The following EYA1 variants were observed in gnomAD, a reference collection of about 807,000 sequenced individuals.
EYA1 encodes protein phosphatase EYA1.
In EYA1, 16 loss-of-function variants were observed where a neutral mutation model predicts 82.0. That is an observed-to-expected ratio of 0.20 (90% CI 0.13 to 0.30). EYA1 has a LOEUF of 0.30. Ranked by LOEUF, EYA1 falls within the 10% of genes least tolerant of loss-of-function variation. EYA1 has a pLI of 1.00. For synonymous variants in EYA1, 261 were observed against 264.4 expected (o/e 0.99, Z 0.12); for missense variants, 633 against 730.7 (o/e 0.87, Z 1.54).
intron 2 of EYA1, among the ~76,000 whole-genome samples, chr8:71,532,695 TA>T (rs1814389449): frequency 6.6e-6 from 1 of 152,166 alleles, no homozygotes; most frequent in Admixed American, 6.5e-5. Flanking sequence ...GGGAGGCAAG[TA>T]TTTCAACCTT....
chr8:71,331,285 C>CACAT (rs554459560), intron 4 of EYA1, among the ~76,000 whole-genome samples: 1,786 of 127,448 alleles, frequency 0.014, 12 homozygotes, highest in Middle Eastern at 0.024. Context: ...CACACACACA[C>CACAT]ATATATATAC....
At chr8:71,494,886 G>T (rs540530215) in intron 2 of EYA1, among the ~76,000 whole-genome samples, 1 of 151,812 alleles carries the variant, frequency 6.6e-6, no homozygotes, top group African/African-American at 2.4e-5. Context: ...AAGCAGAAAC[G>T]GAACTGTAAG....
At chr8:71,396,853 C>T (rs1311033774) in intron 2 of EYA1, among the ~76,000 whole-genome samples, 1 of 152,160 alleles carries the variant, frequency 6.6e-6, no homozygotes, top group Non-Finnish European at 1.5e-5. Flanking sequence ...TGTTGACTTT[C>T]TGTGTCGTTG....
chr8:71,408,074 G>T (rs372567867), intron 2 of EYA1, among the ~76,000 whole-genome samples: 9 of 151,934 alleles, frequency 5.9e-5, no homozygotes, highest in South Asian at 2.1e-4. Context: ...TATTCAACAT[G>T]CTTAAAGAAA....
intron 2 of EYA1, among the ~76,000 whole-genome samples, chr8:71,497,642 T>C (rs528132559): frequency 1.3e-5 from 2 of 151,960 alleles, no homozygotes; most frequent in Admixed American, 6.6e-5. Flanking sequence ...CTACAACCAT[T>C]ATGGAAAACA....
At chr8:71,232,867 A>T (rs1310587991) in intron 12 of EYA1, among the ~76,000 whole-genome samples, 1 of 152,160 alleles carries the variant, frequency 6.6e-6, no homozygotes, top group Non-Finnish European at 1.5e-5. Flanking sequence ...CTCAATGGAC[A>T]ATAACAGCAG....
At chr8:71,437,592 G>T (rs534291004) in intron 2 of EYA1, among the ~76,000 whole-genome samples, 1 of 151,926 alleles carries the variant, frequency 6.6e-6, no homozygotes, top group Non-Finnish European at 1.5e-5. Context: ...GAAATTTAAC[G>T]TTAAGGTAAA....
intron 2 of EYA1, among the ~76,000 whole-genome samples, chr8:71,513,396 T>C (rs1366059897): frequency 2.0e-5 from 3 of 152,198 alleles, no homozygotes; most frequent in African/African-American, 7.2e-5. Flanking sequence ...GTCAATAGTC[T>C]GTTTAAAATT....
At chr8:71,415,257 CTTTG>C (rs764716940) in intron 2 of EYA1, among the ~76,000 whole-genome samples, 2 of 152,322 alleles carry the variant, frequency 1.3e-5, no homozygotes, top group East Asian at 3.9e-4. Context: ...CTCACCAATT[CTTTG>C]TTTGGATATG....
At chr8:71,220,567 C>T (rs1809770235) in intron 12 of EYA1, among the ~76,000 whole-genome samples, 1 of 152,192 alleles carries the variant, frequency 6.6e-6, no homozygotes, top group African/African-American at 2.4e-5. Context: ...TGAGAGGCTG[C>T]TGTGTTCCAG....
At position 71,298,833 on chromosome 8, in the gene EYA1, G is replaced by C. The variant is rs56232555; in HGVS notation, c.826+214C>G. Reference sequence around the variant, plus strand: ...TTTACAAATAAAATCTCTATTTCATGTGCTTTTGATGTTTATATACTTTAT... The same window carrying C: ...TTTACAAATAAAATCTCTATTTCATCTGCTTTTGATGTTTATATACTTTAT... On this transcript the variant is annotated intron_variant, in intron 9 of 17. Coordinates refer to ENST00000340726, the MANE Select transcript of EYA1 (RefSeq NM_000503.6). Among the ~76,000 whole-genome samples, 3,027 of 152,142 alleles carry C rather than the reference G, an allele frequency of 0.02. 54 individuals carry two copies. The highest frequency in any genetic ancestry group is 0.037 in the Middle Eastern group (11 of 294).
intron 2 of EYA1, among the ~76,000 whole-genome samples, chr8:71,457,765 C>T (rs1011255475): frequency 5.3e-5 from 8 of 151,140 alleles, no homozygotes; most frequent in Non-Finnish European, 7.4e-5. Context: ...CTGTAGCATT[C>T]GGAGATATAC....
At chr8:71,272,629 G>C (rs544769355) in intron 9 of EYA1, among the ~76,000 whole-genome samples, 1 of 152,106 alleles carries the variant, frequency 6.6e-6, no homozygotes, top group African/African-American at 2.4e-5. Flanking sequence ...CCCCCAAAAG[G>C]CTCAAAGGAA....
chr8:71,210,211 T>C (rs1808328984), intron 17 of EYA1, among the ~76,000 whole-genome samples: 1 of 152,224 alleles, frequency 6.6e-6, no homozygotes, highest in Non-Finnish European at 1.5e-5. Flanking sequence ...CTACAGCTCC[T>C]TCAGTTAAAA....
chr8:71,422,546 A>G (rs906623088), intron 2 of EYA1, among the ~76,000 whole-genome samples: 9 of 152,146 alleles, frequency 5.9e-5, no homozygotes, highest in Non-Finnish European at 1.2e-4. Context: ...ACAGATACCT[A>G]CTGTATTAGT....
In EYA1 at chr8:71,543,323, C is replaced by T. The variant is rs183116022; in HGVS notation, c.-73+4541G>A. ...TGGGGGGTGATGAACTGCAGAGTGG[C>T]CTGAGGGAACTTTTTGGGGTATTGA... On this transcript the variant is annotated intron_variant, in intron 1 of 18. Transcript: ENST00000643681. Among the ~76,000 whole-genome samples the T allele has an allele frequency of 7.2e-4, 110 of 152,184 alleles. 1 individual carries two copies. The highest frequency in any genetic ancestry group is 2.5e-3 in the African/African-American group (104 of 41,522).
intron 9 of EYA1, among the ~76,000 whole-genome samples, chr8:71,273,931 G>T (rs1816838908): frequency 6.6e-6 from 1 of 152,162 alleles, no homozygotes; most frequent in African/African-American, 2.4e-5. Flanking sequence ...TGTTAGCCTA[G>T]ATTTCCTCCT....
chr8:71,545,215 T>C (rs116006373), intron 1 of EYA1, among the ~76,000 whole-genome samples: 240 of 152,318 alleles, frequency 1.6e-3, no homozygotes, highest in African/African-American at 5.4e-3. Context: ...TCTAATAGGA[T>C]GGAAAATACT....
chr8:71,221,242 A>T (rs75116184), intron 12 of EYA1, among the ~76,000 whole-genome samples: 1 of 152,098 alleles, frequency 6.6e-6, no homozygotes, highest in African/African-American at 2.4e-5. Context: ...AACTGTGGTG[A>T]CAGGAACAAA....
Sources: gnomAD v4.1 joint callset for allele counts (sites outside exome capture counted in the v4.1 genomes callset) on GRCh38, gnomAD v4.1.1 for gene constraint, MANE v1.5 for transcripts, NCBI Gene and HGNC (gene_info 2026-07-23, HGNC 2026-07-21) for gene names.